KIDINS220: variants seen among roughly 807,000 people sequenced by gnomAD.
KIDINS220 encodes the protein kinase D interacting substrate 220.
In KIDINS220, 63 loss-of-function variants were observed where a neutral mutation model predicts 157.6. The ratio of observed to expected loss-of-function variants is 0.40; its 90% CI spans 0.33 to 0.49. The LOEUF (loss-of-function observed/expected upper bound fraction) is 0.49, where lower values mean the gene tolerates loss of function less well. Ranked by LOEUF, KIDINS220 falls within the 20% of genes least tolerant of loss-of-function variation. KIDINS220 has a pLI of 0.66. For missense variants in KIDINS220, 1,772 were observed against 2,171.2 expected (o/e 0.82, Z 3.65); for synonymous variants, 732 against 783.6 (o/e 0.93, Z 1.10).
intron 17 of KIDINS220, among the ~76,000 whole-genome samples, chr2:8,784,588 GAA>G (rs944491291): frequency 1.3e-5 from 2 of 152,110 alleles, no homozygotes; most frequent in African/African-American, 4.8e-5. Flanking sequence ...CAACCTGACT[GAA>G]AAATAAGCCA....
intron 8 of KIDINS220, among the ~76,000 whole-genome samples, 168 bp downstream of exon 8, chr2:8,802,762 T>G (rs1217662084): frequency 6.6e-6 from 1 of 152,178 alleles, no homozygotes; most frequent in Non-Finnish European, 1.5e-5. Context: ...AAAAGGACAT[T>G]TTTCAGAACT....
At chr2:8,733,793 A>G in intron 28 of KIDINS220, 113 bp from the exon 29 acceptor site, 3 of 682,688 alleles carry the variant, frequency 4.4e-6, no homozygotes, top group Non-Finnish European at 7.0e-6. Context: ...ATGAGAAAGC[A>G]TACTTCTGGT....
chr2:8,751,779 C>G, intron 22 of KIDINS220, 135 bp from the exon 23 acceptor site: 1 of 631,454 alleles, frequency 1.6e-6, no homozygotes, highest in South Asian at 2.0e-5. Context: ...CACATCGGCT[C>G]ACTGCAACCT....
intron 23 of KIDINS220, 95 bp from the exon 24 acceptor site, chr2:8,750,430 C>A: frequency 2.5e-6 from 2 of 814,952 alleles, no homozygotes; most frequent in South Asian, 4.0e-5. Flanking sequence ...TAGGCAGAAA[C>A]ATGACTTTAT....
chr2:8,792,287 G>A (rs1250404928), intron 12 of KIDINS220, among the ~76,000 whole-genome samples: 1 of 152,182 alleles, frequency 6.6e-6, no homozygotes, highest in South Asian at 2.1e-4. Context: ...ACTTTTGAAT[G>A]AGGAATAAAA....
At chr2:8,759,698 G>A (rs930465932) in intron 22 of KIDINS220, among the ~76,000 whole-genome samples, 3 of 151,612 alleles carry the variant, frequency 2.0e-5, no homozygotes, top group African/African-American at 2.4e-5. Context: ...CTACGACGTC[G>A]AATGTTCTGA....
At chr2:8,749,791 C>G (rs548264836) in intron 24 of KIDINS220, among the ~76,000 whole-genome samples, 1 of 152,080 alleles carries the variant, frequency 6.6e-6, no homozygotes, top group Non-Finnish European at 1.5e-5. Flanking sequence ...ACAAATAGAA[C>G]ATTTGTTTAT....
intron 20 of KIDINS220, among the ~76,000 whole-genome samples, chr2:8,777,498 A>T (rs1445851838): frequency 6.6e-6 from 1 of 152,130 alleles, no homozygotes; most frequent in African/African-American, 2.4e-5. Flanking sequence ...AGAGGGTGTC[A>T]CTATGTTGCC....
chr2:8,733,801 G>T, intron 28 of KIDINS220, 121 bp from the exon 29 acceptor site: 3 of 635,692 alleles, frequency 4.7e-6, no homozygotes, highest in South Asian at 2.8e-5. Flanking sequence ...GCATACTTCT[G>T]GTAAGTGAAT....
intron 26 of KIDINS220, among the ~76,000 whole-genome samples, chr2:8,739,000 A>G (rs1469234229): frequency 6.6e-6 from 1 of 152,240 alleles, no homozygotes. Context: ...GCTAAAAACG[A>G]CAAGTATAAT....
chr2:8,823,233 G>A lies in KIDINS220; in HGVS notation c.108+3753C>T, dbSNP rs541611493. On this transcript the variant is annotated intron_variant, in intron 2 of 29. Coordinates refer to ENST00000256707, the MANE Select transcript of KIDINS220 (RefSeq NM_020738.4). ...CTCTCAAAGTGCTGGGATTACAGGT[G>A]TGAGCCACCACATACAGCCTACCCA... is the stretch of plus-strand genomic sequence containing the variant. 2.0e-3 allele frequency among the ~76,000 whole-genome samples: 303 copies of A among 152,216 alleles called. 2 individuals are homozygous for A. Among genetic ancestry groups the A allele is most frequent in the Non-Finnish European group, 3.5e-3 (239 of 68,010 alleles).
intron 21 of KIDINS220, among the ~76,000 whole-genome samples, chr2:8,771,973 A>G (rs183371190): frequency 1.3e-3 from 202 of 152,270 alleles, no homozygotes; most frequent in African/African-American, 4.5e-3. Context: ...CTAAAAAGAA[A>G]AAGACAAAAA....
intron 23 of KIDINS220, 58 bp from the exon 24 acceptor site, chr2:8,750,393 C>A: frequency 8.6e-7 from 1 of 1,164,254 alleles, no homozygotes; most frequent in Non-Finnish European, 1.2e-6. Context: ...AGGAATCAGT[C>A]CAATTATCAC....
In KIDINS220 at chr2:8,802,837, G is replaced by A. The variant is rs1433506335; in HGVS notation, c.801+93C>T. ...TAAACTTATTTTAAAACAAGTTTAT[G>A]TCATGCATGAGAATCTTGAAAGGTA... On this transcript the variant is annotated intron_variant, in intron 8 of 29. Coordinates refer to ENST00000256707, the MANE Select transcript of KIDINS220 (RefSeq NM_020738.4). 8 of 938,814 alleles carry A rather than the reference G, an allele frequency of 8.5e-6. No individual in the cohort carries two copies. In the African/African-American group the frequency reaches 1.3e-4, roughly 15 times the overall value. 58.2% of individuals were successfully genotyped at this position (938,814 alleles called of 1,614,324 possible). A position where few individuals can be genotyped will look rare whatever the true frequency, so the allele number is the denominator to read the frequency against.
chr2:8,810,524 G>A (rs1398368280), intron 6 of KIDINS220, among the ~76,000 whole-genome samples: 1 of 152,194 alleles, frequency 6.6e-6, no homozygotes, highest in African/African-American at 2.4e-5. Flanking sequence ...GGTGGCTCAC[G>A]CTTGTAATCC....
intron 13 of KIDINS220, 125 bp downstream of exon 13, chr2:8,790,935 T>G: frequency 1.4e-6 from 1 of 720,392 alleles, no homozygotes; most frequent in South Asian, 2.9e-5. Flanking sequence ...CAGAGGGGAG[T>G]TCATCTCAGT....
At chr2:8,833,065 G>A (rs1328000250) in intron 1 of KIDINS220, among the ~76,000 whole-genome samples, 1 of 151,998 alleles carries the variant, frequency 6.6e-6, no homozygotes, top group African/African-American at 2.4e-5. Flanking sequence ...TTATCTTCTA[G>A]CTACTTTAAA....
rs1316473335 is a variant in KIDINS220 at position 8,802,925 on chromosome 2, C to A, written c.801+5G>T. 1.2e-6 allele frequency: 2 copies of A among 1,612,688 alleles called. No individual in the cohort carries two copies. The highest frequency in any genetic ancestry group is 4.5e-5 in the East Asian group (2 of 44,848). On this transcript the variant is annotated splice_donor_5th_base_variant and intron_variant, in intron 8 of 29. Transcript: ENST00000256707. ...TAGGAGACAAATGTGAAATAGATGA[C>A]CTACCCTGTCAGGTATGTTCACATA... is the stretch of plus-strand genomic sequence containing the variant.
rs769746944 is a variant in KIDINS220 at position 8,731,111 on chromosome 2, C to T, written c.4925G>A (p.Arg1642Gln). The change falls in exon 30 of 30, where the codon CGG (arginine) becomes CAG (glutamine). Residue 1642 changes from arginine to glutamine, a missense_variant. Arg to Gln is a conservative substitution (Grantham distance 43). Transcript: ENST00000256707. This position sits in a 1 kb window ranked among gnomAD's most constrained non-coding sequence, Gnocchi z 5.2. The part of the protein sequence containing the change: ...LSGLQDPIIA[R>Q]MSICSEDKKS... ...CTTGTCTTCTGAACAAATGGACATCCGAGCTATAATTGGATCTTGCAGGCC... is the reference window on the plus strand; with the variant it reads ...CTTGTCTTCTGAACAAATGGACATCTGAGCTATAATTGGATCTTGCAGGCC... The T allele has an allele frequency of 3.0e-5, 49 of 1,614,050 alleles. No individual in the cohort carries two copies. The highest frequency in any genetic ancestry group is 6.7e-5 in the East Asian group (3 of 44,894).
Sources: gnomAD v4.1 joint callset for allele counts (sites outside exome capture counted in the v4.1 genomes callset) on GRCh38, gnomAD v4.1.1 for gene constraint, Gnocchi (gnomAD v3.1) non-coding constraint, MANE v1.5 for transcripts, NCBI Gene and HGNC (gene_info 2026-07-23, HGNC 2026-07-21) for gene names.